The following ITGAV variants were observed in gnomAD, a reference collection of about 807,000 sequenced individuals.
ITGAV encodes the protein integrin alpha-V.
ITGAV carries 76 observed loss-of-function variants against 143.8 expected under a neutral mutation model. The observed-to-expected ratio is 0.53, with a 90% CI of 0.44 to 0.64. The LOEUF (loss-of-function observed/expected upper bound fraction) is 0.64. Ranked by LOEUF, ITGAV falls within the 30% of genes least tolerant of loss-of-function variation. The probability of loss-of-function intolerance (pLI) is 0.00; values close to 1 mark genes in which losing one functional copy is unlikely to be tolerated. For missense variants in ITGAV, 1,193 were observed against 1,274.7 expected, an observed-to-expected ratio of 0.94 and a Z score of 0.98; for synonymous variants, 453 against 446.7, an observed-to-expected ratio of 1.01 and a Z score of -0.18.
chr2:186,621,197 A>C (rs1049514220), intron 2 of ITGAV, among the ~76,000 whole-genome samples: 1 of 152,202 alleles, frequency 6.6e-6, no homozygotes, highest in African/African-American at 2.4e-5. Context: ...GCTGTGTCTT[A>C]AAAATTATTG....
At chr2:186,643,725 A>G (rs1688172156) in intron 12 of ITGAV, among the ~76,000 whole-genome samples, 1 of 152,222 alleles carries the variant, frequency 6.6e-6, no homozygotes. Flanking sequence ...AGCAGAGGAA[A>G]AAAAAGAAAA....
intron 1 of ITGAV, chr2:186,600,222 A>G (rs1686860360): frequency 1.0e-6 from 1 of 954,680 alleles, no homozygotes; most frequent in East Asian, 2.7e-5. Context: ...GCTCCTGGAG[A>G]TTCAATTCTT....
chr2:186,590,923 G>T (rs1445627025), intron 1 of ITGAV, among the ~76,000 whole-genome samples: 2 of 151,932 alleles, frequency 1.3e-5, no homozygotes, highest in Non-Finnish European at 2.9e-5. Flanking sequence ...CTTCTTGGTA[G>T]CCTTTTTCTG....
chr2:186,594,006 G>A (rs964813583), intron 1 of ITGAV, among the ~76,000 whole-genome samples: 4 of 151,954 alleles, frequency 2.6e-5, no homozygotes, highest in South Asian at 2.1e-4. Context: ...CCCATTAAAC[G>A]CTAATGGAGC....
At chr2:186,670,716 C>G (rs1443678132) in intron 26 of ITGAV, among the ~76,000 whole-genome samples, 1 of 152,212 alleles carries the variant, frequency 6.6e-6, no homozygotes, top group African/African-American at 2.4e-5. Context: ...TCACTTCCTT[C>G]TGTTGACTCT....
chr2:186,639,639 G>A (rs1559054106), intron 10 of ITGAV, among the ~76,000 whole-genome samples: 1 of 152,164 alleles, frequency 6.6e-6, no homozygotes, highest in Non-Finnish European at 1.5e-5. Context: ...GCTTTTAGAT[G>A]AGGACAAACC....
At chr2:186,599,232 A>G (rs776843667) in intron 1 of ITGAV, among the ~76,000 whole-genome samples, 8 of 152,056 alleles carry the variant, frequency 5.3e-5, no homozygotes, top group African/African-American at 9.7e-5. Context: ...CTATATTTCA[A>G]TCAGTTTCTT....
chr2:186,611,743 C>T (rs534777778), intron 2 of ITGAV, among the ~76,000 whole-genome samples: 4 of 152,210 alleles, frequency 2.6e-5, no homozygotes, highest in South Asian at 4.1e-4. Context: ...TAATACCTAC[C>T]TCTCAGGGTT....
At chr2:186,605,635 G>A (rs1443418925) in intron 2 of ITGAV, among the ~76,000 whole-genome samples, 2 of 151,672 alleles carry the variant, frequency 1.3e-5, no homozygotes, top group African/African-American at 4.8e-5. Flanking sequence ...ACATTGTCTG[G>A]TGCCCAGCAC....
rs200924395 is a variant in ITGAV at position 186,675,735 on chromosome 2, G to A, written c.2820+18G>A. The A allele has an allele frequency of 3.3e-5, 52 of 1,582,368 alleles. No homozygotes were observed. The highest frequency in any genetic ancestry group is 1.7e-4 in the Middle Eastern group (1 of 6,028). ...TTATGAATGTAAGTAGACAGGTGCA[G>A]CATTTAGCAAACATACCCAGTGTTT... is the stretch of plus-strand genomic sequence containing the variant. On this transcript the variant is annotated intron_variant, in intron 27 of 29. Transcript: ENST00000261023.
chr2:186,606,440 T>C (rs1687067775), intron 2 of ITGAV, among the ~76,000 whole-genome samples: 1 of 152,164 alleles, frequency 6.6e-6, no homozygotes, highest in African/African-American at 2.4e-5. Flanking sequence ...CATGAGTTAA[T>C]TTACATATAG....
At chr2:186,661,546 T>A (rs1419485880) in intron 18 of ITGAV, among the ~76,000 whole-genome samples, 1 of 151,976 alleles carries the variant, frequency 6.6e-6, no homozygotes, top group Non-Finnish European at 1.5e-5. Context: ...AGAGTTGGGT[T>A]TTTTTCTCTC....
rs1042696174 is a variant in ITGAV at position 186,679,557 on chromosome 2, C to T, written c.*2265C>T. The T allele has an allele frequency of 1.3e-5, 2 of 151,616 alleles. No individual in the cohort carries two copies. The allele number at this position is 151,616 out of a possible 1,614,324, so 9.4% of individuals were successfully genotyped here. On this transcript the variant is annotated 3_prime_UTR_variant, in exon 30 of 30. Transcript: ENST00000261023. ...CTATGAAAACTTTAAATCTCTAAAA[C>T]ATTTGAAATACTACCATATTTGTGA...
chr2:186,600,016 C>T (rs1186652070), intron 1 of ITGAV, among the ~76,000 whole-genome samples: 1 of 152,188 alleles, frequency 6.6e-6, no homozygotes, highest in African/African-American at 2.4e-5. Flanking sequence ...CCCCATAGGG[C>T]ATAACATTTA....
intron 18 of ITGAV, among the ~76,000 whole-genome samples, chr2:186,661,234 A>C (rs1344438197): frequency 1.3e-5 from 2 of 152,170 alleles, no homozygotes; most frequent in East Asian, 3.8e-4. Context: ...TTTTATTAGA[A>C]ATTTTTTTTG....
At position 186,625,588 on chromosome 2, in the gene ITGAV, G is replaced by A. The variant is rs61748255; in HGVS notation, c.523+1G>A. 2.5e-6 allele frequency: 4 copies of A among 1,593,228 alleles called. No individual in the cohort carries two copies. The highest frequency in any genetic ancestry group is 4.6e-5 in the East Asian group (2 of 43,918). On this transcript the variant is annotated splice_donor_variant, in intron 4 of 29. Coordinates refer to ENST00000261023, the MANE Select transcript of ITGAV (RefSeq NM_002210.5). LOFTEE classifies it high-confidence loss of function. Reference sequence around the variant, plus strand: ...GTTGAGTATGCTCCATGTAGATCACGTATGTATAGGATATTGTACCAGCTT... The same window carrying A: ...GTTGAGTATGCTCCATGTAGATCACATATGTATAGGATATTGTACCAGCTT...
intron 21 of ITGAV, among the ~76,000 whole-genome samples, chr2:186,665,528 T>C (rs1688865211): frequency 6.6e-6 from 1 of 152,184 alleles, no homozygotes; most frequent in Non-Finnish European, 1.5e-5. Context: ...GATGCCTTAA[T>C]GGATCCTGAA....
intron 5 of ITGAV, among the ~76,000 whole-genome samples, chr2:186,631,637 T>C (rs1687816580): frequency 6.6e-6 from 1 of 152,218 alleles, no homozygotes; most frequent in Non-Finnish European, 1.5e-5. Flanking sequence ...TATGTACGCT[T>C]TCTTAGAAAT....
rs1188664073 is a variant in ITGAV at position 186,637,140 on chromosome 2, T to TA, written c.802+38dup. The TA allele has an allele frequency of 5.1e-6, 8 of 1,555,276 alleles. No homozygotes were observed. The East Asian group carries it at 1.1e-4, about 22-fold the overall frequency. ...AAGTACTTGAACTATATCTAATCTT[T>TA]AAAAAAATTAGATTAAGTATTTGAA... is the stretch of plus-strand genomic sequence containing the variant. On this transcript the variant is annotated intron_variant, in intron 8 of 29. Coordinates refer to ENST00000261023, the MANE Select transcript of ITGAV (RefSeq NM_002210.5).
Sources: gnomAD v4.1 joint callset for allele counts (sites outside exome capture counted in the v4.1 genomes callset) on GRCh38, gnomAD v4.1.1 for gene constraint, MANE v1.5 for transcripts, NCBI Gene and HGNC (gene_info 2026-07-23, HGNC 2026-07-21) for gene names.